The following SHISA9 variants were observed in gnomAD, a reference collection of about 807,000 sequenced individuals.
SHISA9 encodes the protein shisa family member 9.
SHISA9 carries 13 observed loss-of-function variants against 38.0 expected under a neutral mutation model. The observed-to-expected ratio is 0.34, with a 90% CI of 0.22 to 0.54. SHISA9 has a LOEUF of 0.54. Among genes scored for constraint, SHISA9 ranks in the 20% least tolerant of loss-of-function variants. The pLI is 0.91. For missense variants in SHISA9, 538 were observed against 575.8 expected (o/e 0.93, Z 0.67); for synonymous variants, 275 against 242.0 (o/e 1.14, Z -1.27).
chr16:13,443,806 C>T, the SHISA9 span, among the ~76,000 whole-genome samples: 2 of 152,224 alleles, frequency 1.3e-5, no homozygotes, highest in South Asian at 2.1e-4. Flanking sequence ...CTTCTTAGGC[C>T]TCTCTTTATT....
the SHISA9 span, among the ~76,000 whole-genome samples, chr16:13,435,613 C>A: frequency 6.6e-6 from 1 of 152,120 alleles, no homozygotes. Context: ...TGGCAAAAAC[C>A]TGAGGGGAAA....
At chr16:13,372,342 A>G in the SHISA9 span, among the ~76,000 whole-genome samples, 4 of 152,238 alleles carry the variant, frequency 2.6e-5, no homozygotes, top group Non-Finnish European at 5.9e-5. Context: ...AGGCTGATGG[A>G]GAGGGACAAG....
downstream of SHISA9, among the ~76,000 whole-genome samples, chr16:13,242,764 A>G (rs928742017): frequency 2.3e-4 from 35 of 152,170 alleles, no homozygotes; most frequent in Non-Finnish European, 7.3e-5. Context: ...CTTCCTGATC[A>G]CCACGAAATG....
At chr16:13,488,253 A>G in the SHISA9 span, among the ~76,000 whole-genome samples, 2 of 152,126 alleles carry the variant, frequency 1.3e-5, no homozygotes, top group African/African-American at 4.8e-5. Flanking sequence ...AATGCAAAAA[A>G]AAAAAAAGGA....
chr16:13,355,747 T>A, the SHISA9 span, among the ~76,000 whole-genome samples: 1 of 152,096 alleles, frequency 6.6e-6, no homozygotes, highest in East Asian at 1.9e-4. Flanking sequence ...AGGGACGGGC[T>A]TACCTTCCAC....
At chr16:12,931,894 C>G (rs911807667) in intron 2 of SHISA9, among the ~76,000 whole-genome samples, 1 of 152,198 alleles carries the variant, frequency 6.6e-6, no homozygotes, top group Non-Finnish European at 1.5e-5. Flanking sequence ...CCACCCAAAT[C>G]TCATCTTGAA....
At chr16:13,420,187 C>T in the SHISA9 span, among the ~76,000 whole-genome samples, 1 of 126,282 alleles carries the variant, frequency 7.9e-6, no homozygotes, top group African/African-American at 3.0e-5. Context: ...GGGAGGTTGC[C>T]CTGAGCGGAG....
chr16:12,989,511 T>C (rs764501256), intron 2 of SHISA9, among the ~76,000 whole-genome samples: 2 of 152,072 alleles, frequency 1.3e-5, no homozygotes, highest in Non-Finnish European at 2.9e-5. Flanking sequence ...TGTGGCTCTT[T>C]GGATTTTCTT....
At chr16:13,558,553 T>C in the SHISA9 span, among the ~76,000 whole-genome samples, 1 of 152,218 alleles carries the variant, frequency 6.6e-6, no homozygotes, top group Non-Finnish European at 1.5e-5. Context: ...AAAGGCATCT[T>C]ATGTAACATA....
At chr16:13,409,223 C>T in the SHISA9 span, among the ~76,000 whole-genome samples, 1 of 152,198 alleles carries the variant, frequency 6.6e-6, no homozygotes, top group Admixed American at 6.5e-5. Context: ...ACTCCATCCC[C>T]CTTCCAGTTC....
intron 1 of SHISA9, 92 bp from the exon 2 acceptor site, chr16:12,916,596 T>A: frequency 7.0e-7 from 1 of 1,421,850 alleles, no homozygotes; most frequent in Non-Finnish European, 9.4e-7. Context: ...GTAATCCGCC[T>A]TGCCATTTGT....
At chr16:13,024,832 A>G (rs1048213028) in intron 2 of SHISA9, among the ~76,000 whole-genome samples, 5 of 152,114 alleles carry the variant, frequency 3.3e-5, no homozygotes, top group Non-Finnish European at 5.9e-5. Flanking sequence ...GGTCCCTGTG[A>G]TACTTCCTGA....
intron 2 of SHISA9, among the ~76,000 whole-genome samples, chr16:12,997,359 A>G (rs1294341576): frequency 6.7e-6 from 1 of 148,652 alleles, no homozygotes; most frequent in Admixed American, 6.7e-5. Context: ...AATTATCTAT[A>G]TAGTCTCCTG....
At chr16:13,536,230 C>G in the SHISA9 span, among the ~76,000 whole-genome samples, 64,376 of 152,034 alleles carry the variant, frequency 0.42, 14,107 homozygotes, top group East Asian at 0.63. Flanking sequence ...AATTCCTGAC[C>G]TCGTGATCCG....
rs192218911 is a variant in SHISA9, at chr16:13,012,334, G to C, written c.691+95519G>C. Among the ~76,000 whole-genome samples the C allele has an allele frequency of 6.6e-5, 10 of 152,234 alleles. No individual in the cohort carries two copies. The East Asian group carries it at 1.9e-3, about 29-fold the overall frequency. Reference sequence around the variant, plus strand: ...TCTCTGCAGAAGTGACCTGGGAGAGGAGAATGGAATAATGAGGAGGAATCA... The same window carrying C: ...TCTCTGCAGAAGTGACCTGGGAGAGCAGAATGGAATAATGAGGAGGAATCA... On this transcript the variant is annotated intron_variant, in intron 2 of 4. Transcript: ENST00000558583.
At chr16:13,540,963 A>T in the SHISA9 span, among the ~76,000 whole-genome samples, 1 of 152,174 alleles carries the variant, frequency 6.6e-6, no homozygotes, top group Non-Finnish European at 1.5e-5. Flanking sequence ...AGTAGCCCTG[A>T]AGGTATTCAT....
intron 2 of SHISA9, among the ~76,000 whole-genome samples, chr16:13,191,306 T>A (rs1024454452): frequency 1.1e-4 from 17 of 152,332 alleles, no homozygotes; most frequent in African/African-American, 3.8e-4. Context: ...CTGTCATTAG[T>A]CTGGTTTTGA....
the SHISA9 span, among the ~76,000 whole-genome samples, chr16:13,382,404 T>G: frequency 6.6e-6 from 1 of 151,538 alleles, no homozygotes; most frequent in African/African-American, 2.4e-5. Context: ...GACGCATGCC[T>G]GTAATCCCAG....
intron 2 of SHISA9, among the ~76,000 whole-genome samples, chr16:12,950,929 T>TTA (rs1555502898): frequency 2.3e-4 from 34 of 149,068 alleles, no homozygotes; most frequent in East Asian, 6.0e-4. Flanking sequence ...TTTTTTTTTT[T>TTA]AAATGTGGCT....
Sources: gnomAD v4.1 joint callset for allele counts (sites outside exome capture counted in the v4.1 genomes callset) on GRCh38, gnomAD v4.1.1 for gene constraint, MANE v1.5 for transcripts, NCBI Gene and HGNC (gene_info 2026-07-23, HGNC 2026-07-21) for gene names.